LIMK2: variants seen among roughly 807,000 people sequenced by gnomAD.
LIMK2 encodes LIM domain kinase 2.
A neutral mutation model predicts 75.7 loss-of-function variants in LIMK2; 35 were observed. That is an observed-to-expected ratio of 0.46 (90% confidence interval 0.35 to 0.61). The LOEUF (loss-of-function observed/expected upper bound fraction) is 0.61, where lower values mean the gene tolerates loss of function less well. Among genes scored for constraint, LIMK2 ranks in the 20% least tolerant of loss-of-function variants. The pLI, the probability that LIMK2 is intolerant of heterozygous loss-of-function variation, is 0.00. For missense variants in LIMK2, 623 were observed against 831.0 expected (o/e 0.75, Z 3.08); for synonymous variants, 301 against 319.2 (o/e 0.94, Z 0.61).
intron 15 of LIMK2, among the ~76,000 whole-genome samples, chr22:31,276,393 G>C (rs1244466971): frequency 6.6e-6 from 1 of 151,978 alleles, no homozygotes; most frequent in East Asian, 1.9e-4. Context: ...CACCCTCCCA[G>C]GATAACCAGT....
rs1172374566 is a variant in LIMK2 at position 31,278,532 on chromosome 22, C to T, written c.*91C>T. On this transcript the variant is annotated 3_prime_UTR_variant, in exon 16 of 16. Coordinates refer to ENST00000331728, the MANE Select transcript of LIMK2 (RefSeq NM_005569.4). ...GCTGTGAGCAGGGCCGTCCGGGCTTCCTGTGGATTGGCGGAATGTTTAGAA... is the reference window on the plus strand; with the variant it reads ...GCTGTGAGCAGGGCCGTCCGGGCTTTCTGTGGATTGGCGGAATGTTTAGAA... The T allele has an allele frequency of 2.2e-6, 3 of 1,381,818 alleles. No individual in the cohort carries two copies. Among genetic ancestry groups the T allele is most frequent in the Non-Finnish European group, 2.9e-6 (3 of 1,036,560 alleles). 85.6% of individuals were successfully genotyped at this position (1,381,818 alleles called of 1,614,324 possible).
chr22:31,246,183 G>GCACGCACACACACACACACACACA (rs1555886279), intron 2 of LIMK2, among the ~76,000 whole-genome samples: 8 of 135,096 alleles, frequency 5.9e-5, no homozygotes, highest in Non-Finnish European at 1.3e-4. Context: ...ACGCACGCAC[G>GCACGCACACACACACACACACACA]CACACACACA....
At chr22:31,253,472 A>G (rs1213485057) in intron 2 of LIMK2, among the ~76,000 whole-genome samples, 1 of 152,240 alleles carries the variant, frequency 6.6e-6, no homozygotes, top group East Asian at 1.9e-4. Context: ...GAAGTATATG[A>G]AGGAGGAGAA....
intron 15 of LIMK2, chr22:31,276,858 G>A: frequency 6.2e-7 from 1 of 1,612,272 alleles, no homozygotes. Flanking sequence ...GGCGCCAAGG[G>A]AAGGTCACCA....
intron 1 of LIMK2, among the ~76,000 whole-genome samples, chr22:31,222,193 C>T (rs1376975322): frequency 6.6e-6 from 1 of 151,874 alleles, no homozygotes. Flanking sequence ...GCCTCAGCCT[C>T]CTGAGTAGCT....
intron 2 of LIMK2, among the ~76,000 whole-genome samples, chr22:31,250,057 C>T (rs2048709905): frequency 6.6e-6 from 1 of 152,090 alleles, no homozygotes; most frequent in Non-Finnish European, 1.5e-5. Flanking sequence ...GTTTTCTTCT[C>T]CTAGTGGAGA....
chr22:31,227,567 T>C (rs974305275), intron 2 of LIMK2, among the ~76,000 whole-genome samples: 2 of 152,220 alleles, frequency 1.3e-5, no homozygotes, highest in African/African-American at 4.8e-5. Flanking sequence ...GTTGATTCTG[T>C]CTTTTCTGTT....
At chr22:31,228,425 A>C (rs1391184658) in intron 2 of LIMK2, among the ~76,000 whole-genome samples, 4 of 152,000 alleles carry the variant, frequency 2.6e-5, no homozygotes, top group Non-Finnish European at 5.9e-5. Context: ...ATCGCAAAAA[A>C]ACAACCACCA....
intron 2 of LIMK2, among the ~76,000 whole-genome samples, chr22:31,256,432 C>T (rs1368283578): frequency 6.6e-6 from 1 of 151,670 alleles, no homozygotes; most frequent in Non-Finnish European, 1.5e-5. Flanking sequence ...CCTCCACCTC[C>T]TGGGTTCCAG....
intron 2 of LIMK2, among the ~76,000 whole-genome samples, chr22:31,245,047 A>G (rs2123806866): frequency 6.6e-6 from 1 of 152,238 alleles, no homozygotes; most frequent in East Asian, 1.9e-4. Context: ...ATTCATTCAT[A>G]CAAGTAGTGC....
chr22:31,247,578 C>T lies in LIMK2; in HGVS notation c.117-10713C>T, dbSNP rs1243014781. On this transcript the variant is annotated intron_variant, in intron 2 of 15. Coordinates refer to ENST00000331728, the MANE Select transcript of LIMK2 (RefSeq NM_005569.4). ...GAGAGCTTTGGAAAAGATTTTTCTCCTTAAAGAGCCAGAATGAAGCCTGGT... is the reference window on the plus strand; with the variant it reads ...GAGAGCTTTGGAAAAGATTTTTCTCTTTAAAGAGCCAGAATGAAGCCTGGT... Among the ~76,000 whole-genome samples, 3 of 152,248 alleles carry T rather than the reference C, an allele frequency of 2.0e-5. No individual in the cohort carries two copies. In the East Asian group the frequency reaches 5.8e-4, roughly 29 times the overall value.
chr22:31,245,963 A>G (rs1391645749), intron 2 of LIMK2, among the ~76,000 whole-genome samples: 2 of 152,184 alleles, frequency 1.3e-5, no homozygotes, highest in East Asian at 3.9e-4. Flanking sequence ...ACCTGAGGTC[A>G]GGAGTTCAAG....
intron 7 of LIMK2, 124 bp from the exon 8 acceptor site, chr22:31,265,822 C>T (rs993536781): frequency 4.1e-6 from 3 of 728,700 alleles, no homozygotes; most frequent in African/African-American, 3.5e-5. Flanking sequence ...CCCTGTTCCC[C>T]AATAATAACA....
intron 15 of LIMK2, 168 bp downstream of exon 15, chr22:31,275,476 A>G (rs2049004228): frequency 1.6e-6 from 1 of 632,652 alleles, no homozygotes; most frequent in Admixed American, 3.0e-5. Flanking sequence ...CAGGTTGGAG[A>G]AGAGAGAGGT....
rs1287199726 is a variant in LIMK2 at position 31,259,871 on chromosome 22, C to T, written c.363-18C>T. The T allele has an allele frequency of 1.3e-6, 2 of 1,595,740 alleles. No individual in the cohort carries two copies. Among genetic ancestry groups the T allele is most frequent in the Middle Eastern group, 1.9e-4 (1 of 5,236 alleles). On this transcript the variant is annotated intron_variant, in intron 4 of 15. Coordinates refer to ENST00000331728, the MANE Select transcript of LIMK2 (RefSeq NM_005569.4). Reference sequence around the variant, plus strand: ...GTGGGACTCTAGCATCTTATTCCCCCCTGTGCCCTCTCCCCAGTGGGAAGT... The same window carrying T: ...GTGGGACTCTAGCATCTTATTCCCCTCTGTGCCCTCTCCCCAGTGGGAAGT...
chr22:31,219,867 C>G (rs867050435), intron 1 of LIMK2, among the ~76,000 whole-genome samples: 8 of 152,138 alleles, frequency 5.3e-5, no homozygotes, highest in African/African-American at 1.7e-4. Context: ...CCACCACGCC[C>G]GGCTCTTTTC....
chr22:31,225,499 A>G (rs189391742), intron 1 of LIMK2, among the ~76,000 whole-genome samples: 50 of 152,360 alleles, frequency 3.3e-4, no homozygotes, highest in Non-Finnish European at 4.1e-4. Context: ...GAATGAGACT[A>G]CTTTTGAGGC....
At chr22:31,246,758 C>CAAAAAAA (rs11317931) in intron 2 of LIMK2, among the ~76,000 whole-genome samples, 1 of 113,006 alleles carries the variant, frequency 8.8e-6, no homozygotes, top group Non-Finnish European at 1.9e-5. Context: ...GACCCTGACT[C>CAAAAAAA]AAAAAAAAAA....
intron 1 of LIMK2, among the ~76,000 whole-genome samples, chr22:31,218,784 C>G (rs1041222894): frequency 2.6e-5 from 4 of 152,080 alleles, no homozygotes; most frequent in Non-Finnish European, 5.9e-5. Flanking sequence ...CCCAAGGGGC[C>G]CAGGGGTTAC....
Sources: allele counts gnomAD v4.1 joint callset (sites outside exome capture counted in the v4.1 genomes callset), GRCh38; gene constraint gnomAD v4.1.1; transcripts MANE v1.5; gene names NCBI Gene and HGNC (gene_info 2026-07-23, HGNC 2026-07-21).